The following FAT3 variants were observed in gnomAD, a reference collection of about 807,000 sequenced individuals.
The protein encoded by FAT3 is protocadherin Fat 3.
In FAT3, 95 loss-of-function variants were observed where a neutral mutation model predicts 310.2. That is an observed-to-expected ratio of 0.31 (90% confidence interval 0.26 to 0.36). FAT3 has a LOEUF of 0.36. FAT3 is among the 10% of genes least tolerant of loss of function. The probability of loss-of-function intolerance (pLI) is 1.00; values close to 1 mark genes in which losing one functional copy is unlikely to be tolerated. For missense variants in FAT3, 5,408 were observed against 5,715.6 expected (o/e 0.95, Z 1.74); for synonymous variants, 2,314 against 2,192.9 (o/e 1.06, Z -1.54).
At chr11:92,291,351 A>G (rs1016783096) in intron 1 of FAT3, among the ~76,000 whole-genome samples, 1 of 152,132 alleles carries the variant, frequency 6.6e-6, no homozygotes, top group Non-Finnish European at 1.5e-5. Context: ...ACTTGTACTC[A>G]TGAAATCAAG....
At chr11:92,541,334 A>G (rs565429084) in intron 3 of FAT3, among the ~76,000 whole-genome samples, 2 of 152,292 alleles carry the variant, frequency 1.3e-5, no homozygotes, top group Admixed American at 6.5e-5. Context: ...CTGAGCAGGG[A>G]TTTCTCAACT....
chr11:92,308,445 G>A (rs577757328), intron 1 of FAT3, among the ~76,000 whole-genome samples: 9 of 152,060 alleles, frequency 5.9e-5, no homozygotes, highest in African/African-American at 9.7e-5. Flanking sequence ...AAGAAAACCA[G>A]TTGTTTGATT....
intron 3 of FAT3, among the ~76,000 whole-genome samples, chr11:92,579,539 T>C (rs1938673650): frequency 1.3e-5 from 2 of 152,110 alleles, no homozygotes; most frequent in African/African-American, 4.8e-5. Context: ...TTCTATCATA[T>C]ATTGTAGTTA....
At chr11:92,566,523 T>C (rs1161388358) in intron 3 of FAT3, among the ~76,000 whole-genome samples, 4 of 148,530 alleles carry the variant, frequency 2.7e-5, no homozygotes, top group African/African-American at 7.7e-5. Flanking sequence ...CTTCACAGAA[T>C]TGGAAAAAAA....
chr11:92,571,037 G>T (rs1394705265), intron 3 of FAT3, among the ~76,000 whole-genome samples: 2 of 151,906 alleles, frequency 1.3e-5, no homozygotes, highest in Admixed American at 6.6e-5. Context: ...GACCGTGCTG[G>T]GTCCTAAGAT....
intron 9 of FAT3, among the ~76,000 whole-genome samples, chr11:92,795,790 C>T (rs1947154882): frequency 1.3e-5 from 2 of 152,058 alleles, no homozygotes; most frequent in South Asian, 2.1e-4. Context: ...TGCCTGCAGT[C>T]CCAGCTACTC....
At chr11:92,831,525 T>G in intron 13 of FAT3, 97 bp from the exon 14 acceptor site, 3 of 1,006,120 alleles carry the variant, frequency 3.0e-6, no homozygotes, top group Non-Finnish European at 4.2e-6. Flanking sequence ...CTATTTTTCT[T>G]GTTGTGGCCC....
intron 3 of FAT3, among the ~76,000 whole-genome samples, chr11:92,554,188 C>T (rs1161646486): frequency 2.0e-5 from 3 of 151,678 alleles, no homozygotes; most frequent in Admixed American, 6.6e-5. Context: ...GGAGGCCGGG[C>T]GCAGTGGCTC....
At chr11:92,822,968 C>T (rs906080443) in intron 13 of FAT3, among the ~76,000 whole-genome samples, 1 of 152,186 alleles carries the variant, frequency 6.6e-6, no homozygotes, top group Admixed American at 6.5e-5. Context: ...ACTGACAACT[C>T]CTATCTTTCC....
chr11:92,572,488 G>C (rs1042849781), intron 3 of FAT3, among the ~76,000 whole-genome samples: 1 of 152,194 alleles, frequency 6.6e-6, no homozygotes, highest in African/African-American at 2.4e-5. Context: ...TGTGCAGCTA[G>C]AGTAGGTTTT....
intron 3 of FAT3, among the ~76,000 whole-genome samples, chr11:92,529,568 C>T (rs1953998292): frequency 6.6e-6 from 1 of 151,180 alleles, no homozygotes; most frequent in Non-Finnish European, 1.5e-5. Flanking sequence ...TTGTTTTTTC[C>T]AATCTTCCTT....
At chr11:92,472,016 T>C (rs1156431000) in intron 2 of FAT3, among the ~76,000 whole-genome samples, 1 of 149,966 alleles carries the variant, frequency 6.7e-6, no homozygotes, top group African/African-American at 2.4e-5. Context: ...TATAGACTAT[T>C]TTTAAAATGC....
At chr11:92,382,322 A>C (rs1424576128) in intron 2 of FAT3, among the ~76,000 whole-genome samples, 1 of 152,152 alleles carries the variant, frequency 6.6e-6, no homozygotes, top group Non-Finnish European at 1.5e-5. Context: ...GGTCAGCTGG[A>C]GTGTCATTTT....
chr11:92,416,095 G>T (rs1001522770), intron 2 of FAT3, among the ~76,000 whole-genome samples: 10 of 110,370 alleles, frequency 9.1e-5, no homozygotes, highest in African/African-American at 4.1e-4. Context: ...AAAAAAAAAA[G>T]TCCGGCATGG....
chr11:92,481,210 A>T (rs1341405094), intron 2 of FAT3, among the ~76,000 whole-genome samples: 1 of 152,192 alleles, frequency 6.6e-6, no homozygotes, highest in Non-Finnish European at 1.5e-5. Context: ...TGCTGTTTCC[A>T]CCTCTTGCCT....
chr11:92,426,489 T>C (rs1226275471), intron 2 of FAT3, among the ~76,000 whole-genome samples: 1 of 152,214 alleles, frequency 6.6e-6, no homozygotes, highest in Non-Finnish European at 1.5e-5. Flanking sequence ...TATTTTCTTC[T>C]AGCGTTTTTA....
intron 2 of FAT3, among the ~76,000 whole-genome samples, chr11:92,435,212 A>C (rs963942723): frequency 1.5e-4 from 23 of 152,134 alleles, no homozygotes; most frequent in African/African-American, 5.6e-4. Flanking sequence ...ATAGACAAGG[A>C]ATGGATCTCC....
At chr11:92,467,583 GTCCAGGGC>G (rs1565339475) in intron 2 of FAT3, among the ~76,000 whole-genome samples, 1 of 152,030 alleles carries the variant, frequency 6.6e-6, no homozygotes, top group East Asian at 1.9e-4. Context: ...GTCTGCATAT[GTCCAGGGC>G]TTATTACTCA....
chr11:92,501,074 G>A (rs1437734938), intron 2 of FAT3, among the ~76,000 whole-genome samples: 1 of 152,014 alleles, frequency 6.6e-6, no homozygotes, highest in Admixed American at 6.6e-5. Context: ...TAGTGCACAA[G>A]AAGGAATTGC....
Sources: gnomAD v4.1 joint callset for allele counts (sites outside exome capture counted in the v4.1 genomes callset) on GRCh38, gnomAD v4.1.1 for gene constraint, MANE v1.5 for transcripts, NCBI Gene and HGNC (gene_info 2026-07-23, HGNC 2026-07-21) for gene names.